The following MTG1 variants were observed in gnomAD, a reference collection of about 807,000 sequenced individuals.
MTG1 encodes the protein mitochondrial ribosome-associated GTPase 1.
Under a neutral mutation model 39.5 loss-of-function variants are expected in MTG1, and 30 were observed. The observed-to-expected ratio is 0.76, with a 90% CI of 0.57 to 1.03. The LOEUF (loss-of-function observed/expected upper bound fraction) is 1.03, where lower values mean the gene tolerates loss of function less well. Among genes scored for constraint, MTG1 ranks in the 50% least tolerant of loss-of-function variants. The pLI, the probability that MTG1 is intolerant of heterozygous loss-of-function variation, is 0.00. For missense variants in MTG1, 513 were observed against 447.4 expected, an observed-to-expected ratio of 1.15 and a Z score of -1.32; for synonymous variants, 217 against 179.0, an observed-to-expected ratio of 1.21 and a Z score of -1.69.
In MTG1 at chr10:133,421,692, TTGGTTGAG is replaced by T. The variant is rs1248361548; in HGVS notation, c.*1529_*1536del. On this transcript the variant is annotated 3_prime_UTR_variant, in exon 11 of 11. Transcript: ENST00000317502. The stretch of plus-strand genomic sequence containing the variant: ...GTGCCCTGGAGCTAGAGAGCAGTGC[TTGGTTGAG>T]TCCTGCCAACAGCTTCCAGATCCTC... The T allele has an allele frequency of 1.3e-5, 2 of 152,878 alleles. No homozygotes were observed. Among genetic ancestry groups the T allele is most frequent in the Admixed American group, 1.3e-4 (2 of 15,284 alleles). The allele number at this position is 152,878 out of a possible 1,614,324, so 9.5% of individuals were successfully genotyped here.
intron 1 of MTG1, among the ~76,000 whole-genome samples, chr10:133,395,165 G>A (rs994991177): frequency 1.3e-5 from 2 of 152,212 alleles, no homozygotes; most frequent in African/African-American, 2.4e-5. Context: ...GGAGGCCGAG[G>A]TGGGCAGATC....
chr10:133,415,199 A>G (rs1156279482), intron 9 of MTG1, among the ~76,000 whole-genome samples: 2 of 150,896 alleles, frequency 1.3e-5, no homozygotes, highest in Non-Finnish European at 3.0e-5. Context: ...GAGGGAGCGG[A>G]GCGGGAGCGG....
At chr10:133,413,934 T>TA (rs1352533383) in intron 9 of MTG1, among the ~76,000 whole-genome samples, 4 of 150,910 alleles carry the variant, frequency 2.7e-5, no homozygotes, top group African/African-American at 7.3e-5. Context: ...TTTTTTTTTT[T>TA]ATTGATCATT....
intron 9 of MTG1, among the ~76,000 whole-genome samples, chr10:133,413,439 G>C (rs184000173): frequency 9.8e-4 from 149 of 152,012 alleles, no homozygotes; most frequent in Middle Eastern, 3.4e-3. Context: ...TTTTAGTAGA[G>C]ATGGGAGTTT....
chr10:133,402,516 A>G lies in MTG1; in HGVS notation c.671-176A>G. 1.4e-6 allele frequency: 1 copy of G among 705,638 alleles called. No individual in the cohort carries two copies. 43.7% of individuals were successfully genotyped at this position (705,638 alleles called of 1,614,324 possible). A position where few individuals can be genotyped will look rare whatever the true frequency, so the allele number is the denominator to read the frequency against. On this transcript the variant is annotated intron_variant, in intron 8 of 10. Transcript: ENST00000317502. This position sits in a 1 kb window ranked among gnomAD's most constrained non-coding sequence, Gnocchi z 4.7. Reference sequence around the variant, plus strand: ...AGGTTGGTCGCAGGTGCCAGGCAGGAGTGGGGGCCGGGACCACAGCCGAGT... The same window carrying G: ...AGGTTGGTCGCAGGTGCCAGGCAGGGGTGGGGGCCGGGACCACAGCCGAGT...
intron 9 of MTG1, among the ~76,000 whole-genome samples, chr10:133,409,800 G>T (rs1850019085): frequency 6.6e-6 from 1 of 151,414 alleles, no homozygotes; most frequent in Non-Finnish European, 1.5e-5. Flanking sequence ...TTTACAGTCT[G>T]ACCTGTAGTC....
chr10:133,419,476 G>T lies in MTG1; in HGVS notation c.753-4G>T. ...CCTGGTGCTGACCTGCAGCCTATGTGCAGGTACGTGCAGCACTACGGCCTG... is the reference window on the plus strand; with the variant it reads ...CCTGGTGCTGACCTGCAGCCTATGTTCAGGTACGTGCAGCACTACGGCCTG... On this transcript the variant is annotated splice_region_variant and splice_polypyrimidine_tract_variant and intron_variant, in intron 9 of 10. Transcript: ENST00000317502. 6.3e-7 allele frequency: 1 copy of T among 1,589,226 alleles called. No individual in the cohort carries two copies. The highest frequency in any genetic ancestry group is 8.6e-7 in the Non-Finnish European group (1 of 1,168,518).
intron 1 of MTG1, chr10:133,394,712 G>C: frequency 2.9e-6 from 3 of 1,051,432 alleles, no homozygotes; most frequent in Non-Finnish European, 2.3e-6. Context: ...GTCTTTTGGG[G>C]ACTAAATGAA....
chr10:133,418,041 C>T (rs570243209), intron 9 of MTG1, among the ~76,000 whole-genome samples: 50 of 152,238 alleles, frequency 3.3e-4, no homozygotes, highest in African/African-American at 1.1e-3. Context: ...ACTCTGTCGC[C>T]CAGCCAGGCT....
At chr10:133,405,906 T>A (rs1389693810) in intron 9 of MTG1, among the ~76,000 whole-genome samples, 2 of 152,226 alleles carry the variant, frequency 1.3e-5, no homozygotes, top group Non-Finnish European at 2.9e-5. Context: ...TTGAAGAACC[T>A]CCATACTGTT....
intron 9 of MTG1, among the ~76,000 whole-genome samples, chr10:133,419,066 CAG>C (rs1348858695): frequency 1.3e-5 from 2 of 152,234 alleles, no homozygotes; most frequent in Admixed American, 6.5e-5. Flanking sequence ...TAGCAGCAAA[CAG>C]AGTATGTTTG....
rs899558570 is a variant in MTG1, at chr10:133,400,034, T to C, written c.511+415T>C. Among the ~76,000 whole-genome samples, 6 of 152,040 alleles carry C rather than the reference T, an allele frequency of 3.9e-5. No homozygotes were observed. In the South Asian group the frequency reaches 1.2e-3, roughly 32 times the overall value. On this transcript the variant is annotated intron_variant, in intron 6 of 10. Coordinates refer to ENST00000317502, the MANE Select transcript of MTG1 (RefSeq NM_138384.4). The stretch of plus-strand genomic sequence containing the variant: ...GGTGAAACCCCGTCTCTACTAAAAA[T>C]ACGAAAAATTAGGTGGGTGTGGTGG...
At chr10:133,395,361 C>T (rs558911272) in intron 1 of MTG1, among the ~76,000 whole-genome samples, 2 of 152,342 alleles carry the variant, frequency 1.3e-5, no homozygotes, top group Admixed American at 1.3e-4. Flanking sequence ...TGCCACTGCA[C>T]TCCAGCCTGG....
At chr10:133,398,986 G>A (rs1180729973) in intron 4 of MTG1, among the ~76,000 whole-genome samples, 184 bp from the exon 5 acceptor site, 1 of 152,152 alleles carries the variant, frequency 6.6e-6, no homozygotes, top group African/African-American at 2.4e-5. Context: ...CCAGATGAAG[G>A]GTGACGCCCA....
rs1370313851 is a variant in MTG1 at position 133,396,150 on chromosome 10, T to C, written c.178-13T>C. On this transcript the variant is annotated splice_polypyrimidine_tract_variant and intron_variant, in intron 2 of 10. Coordinates refer to ENST00000317502, the MANE Select transcript of MTG1 (RefSeq NM_138384.4). Reference sequence around the variant, plus strand: ...GTAAAGCTTTGGAGGAATTTTTACCTTAATTTTGCCACATCCCACTTTCAG... The same window carrying C: ...GTAAAGCTTTGGAGGAATTTTTACCCTAATTTTGCCACATCCCACTTTCAG... 6.2e-7 allele frequency: 1 copy of C among 1,613,136 alleles called. No individual in the cohort carries two copies. Among genetic ancestry groups the C allele is most frequent in the Non-Finnish European group, 8.5e-7 (1 of 1,179,248 alleles).
rs191702386 is a variant in MTG1 at position 133,413,339 on chromosome 10, C to T, written c.753-6141C>T. On this transcript the variant is annotated intron_variant, in intron 9 of 10. Coordinates refer to ENST00000317502, the MANE Select transcript of MTG1 (RefSeq NM_138384.4). The stretch of plus-strand genomic sequence containing the variant: ...ATGTTGGCCAGGCTGGTCTTGAACT[C>T]CTAATCTCAGGTGATCCACCCATGT... 2.3e-4 allele frequency among the ~76,000 whole-genome samples: 35 copies of T among 152,306 alleles called. No homozygotes were observed. The East Asian group carries it at 4.8e-3, about 21-fold the overall frequency.
At chr10:133,397,976 C>A (rs1476077629) in intron 3 of MTG1, among the ~76,000 whole-genome samples, 1 of 152,116 alleles carries the variant, frequency 6.6e-6, no homozygotes, top group African/African-American at 2.4e-5. Flanking sequence ...GGTAGACTTG[C>A]CCCTGGGTGG....
intron 9 of MTG1, among the ~76,000 whole-genome samples, chr10:133,419,168 C>CTT (rs1181054439): frequency 6.6e-6 from 1 of 152,242 alleles, no homozygotes; most frequent in African/African-American, 2.4e-5. Flanking sequence ...GTGGATGAAG[C>CTT]CTGTGTGTGT....
chr10:133,408,577 G>A (rs1850002150), intron 9 of MTG1, among the ~76,000 whole-genome samples: 1 of 151,754 alleles, frequency 6.6e-6, no homozygotes, highest in African/African-American at 2.4e-5. Flanking sequence ...CAGTGACTTT[G>A]GAAGTGTTCC....
Sources: gnomAD v4.1 joint callset for allele counts (sites outside exome capture counted in the v4.1 genomes callset) on GRCh38, gnomAD v4.1.1 for gene constraint, Gnocchi (gnomAD v3.1) non-coding constraint, MANE v1.5 for transcripts, NCBI Gene and HGNC (gene_info 2026-07-23, HGNC 2026-07-21) for gene names.